Variants in NECAB2 observed in about 807,000 individuals in gnomAD.
NECAB2 encodes the protein N-terminal EF-hand calcium-binding protein 2.
A neutral mutation model predicts 51.9 loss-of-function variants in NECAB2; 68 were observed. The ratio of observed to expected loss-of-function variants is 1.31; its 90% CI spans 1.08 to 1.60. The LOEUF is 1.60. Among genes scored for constraint, NECAB2 ranks in the 40% most tolerant of loss-of-function variants. NECAB2 has a pLI of 0.00. For synonymous variants in NECAB2, 329 were observed against 203.5 expected, an observed-to-expected ratio of 1.62 and a Z score of -5.25; for missense variants, 854 against 490.3, an observed-to-expected ratio of 1.74 and a Z score of -7.00.
At chr16:83,998,549 G>C (rs1219036334) in intron 10 of NECAB2, among the ~76,000 whole-genome samples, 1 of 152,110 alleles carries the variant, frequency 6.6e-6, no homozygotes, top group African/African-American at 2.4e-5. Context: ...TGTAAAGGGG[G>C]GACCACCCCC....
intron 3 of NECAB2, among the ~76,000 whole-genome samples, chr16:83,980,582 C>T (rs1240364911): frequency 6.6e-6 from 1 of 152,012 alleles, no homozygotes; most frequent in African/African-American, 2.4e-5. Flanking sequence ...CCCTTGGTGT[C>T]ATTTATTCAT....
rs1363199964 is a variant in NECAB2 at position 83,994,315 on chromosome 16, A to C, written c.610A>C (p.Lys204Gln). The C allele has an allele frequency of 7.4e-6, 12 of 1,614,082 alleles. No homozygotes were observed. The African/African-American group carries it at 1.3e-4, about 18-fold the overall frequency. ...QTSQLRQNHI[K>Q]PSHSAAQTWC... ...TCCAAACTGCAGACAGAACCACATCAAACCCAGCCACAGCGCGGCACAGAC... is the reference window on the plus strand; with the variant it reads ...TCCAAACTGCAGACAGAACCACATCCAACCCAGCCACAGCGCGGCACAGAC... Residue 204 changes from lysine (K) to glutamine (Q), a missense_variant, in exon 7 of 13, where the codon AAA becomes CAA. Physicochemically the swap from Lys to Gln is moderately conservative, Grantham distance 53. Coordinates refer to ENST00000305202, the MANE Select transcript of NECAB2 (RefSeq NM_019065.3).
At position 83,968,580 on chromosome 16, in the gene NECAB2, CG is replaced by C. The variant is rs937034643; in HGVS notation, c.-68del. 7 of 965,560 alleles carry C rather than the reference CG, an allele frequency of 7.2e-6. No individual in the cohort carries two copies. The South Asian group carries it at 1.4e-4, about 19-fold the overall frequency. 59.8% of individuals were successfully genotyped at this position (965,560 alleles called of 1,614,324 possible). On this transcript the variant is annotated 5_prime_UTR_variant, in exon 1 of 13. Coordinates refer to ENST00000305202, the MANE Select transcript of NECAB2 (RefSeq NM_019065.3). ...GGCGCGGGCAGCGCGGGGAGGGGGT[CG>C]CGCGGGGGCGGGCCGCAGCTGGGCG...
Position 83,997,751 on chromosome 16 carries a change from C to T in NECAB2, c.850-454C>T, listed in dbSNP as rs887607060. On this transcript the variant is annotated intron_variant, in intron 9 of 12. Coordinates refer to ENST00000305202, the MANE Select transcript of NECAB2 (RefSeq NM_019065.3). ...CTCATGATCTGCCCACCTTGGCCTC[C>T]TAAAGTGCTGAGATTACAGGCGTGA... 6.6e-5 allele frequency among the ~76,000 whole-genome samples: 10 copies of T among 152,236 alleles called. 1 individual carries two copies. In the South Asian group the frequency reaches 1.2e-3, roughly 19 times the overall value.
rs140162249 is a variant in NECAB2, at chr16:83,971,660, G to A, written c.202-491G>A. ...CCCCAAAATTAACGCAGTCCTGCCC[G>A]TGGCTGGCATTGTCACCAGGCCTTG... On this transcript the variant is annotated intron_variant, in intron 1 of 12. Coordinates refer to ENST00000305202, the MANE Select transcript of NECAB2 (RefSeq NM_019065.3). The A allele has an allele frequency of 4.7e-3, 792 of 168,442 alleles. 7 individuals are homozygous for A. Among genetic ancestry groups the A allele is most frequent in the African/African-American group, 0.018 (749 of 41,894 alleles). The allele number at this position is 168,442 out of a possible 1,614,324, so 10.4% of individuals were successfully genotyped here. A position where few individuals can be genotyped will look rare whatever the true frequency, so the allele number is the denominator to read the frequency against.
At chr16:83,973,601 A>G (rs912062125) in intron 2 of NECAB2, among the ~76,000 whole-genome samples, 2 of 152,142 alleles carry the variant, frequency 1.3e-5, no homozygotes, top group African/African-American at 4.8e-5. Context: ...AGGGGAAATC[A>G]GGGGGCTGTC....
At chr16:84,001,487 C>T (rs1297442073) in intron 11 of NECAB2, among the ~76,000 whole-genome samples, 2 of 152,146 alleles carry the variant, frequency 1.3e-5, no homozygotes, top group East Asian at 1.9e-4. Flanking sequence ...AAACGAGGGA[C>T]TAAAAGCCTT....
chr16:83,998,426 A>G (rs973489326), intron 10 of NECAB2, 109 bp downstream of exon 10: 26 of 982,550 alleles, frequency 2.6e-5, no homozygotes, highest in Non-Finnish European at 3.8e-5. Context: ...GTTGCACCCC[A>G]GGGACACACA....
chr16:83,974,210 C>G (rs918963894), intron 2 of NECAB2, among the ~76,000 whole-genome samples: 10 of 152,138 alleles, frequency 6.6e-5, no homozygotes, highest in Admixed American at 5.2e-4. Flanking sequence ...AAGAGCTTCC[C>G]AGGTCCCCCA....
intron 11 of NECAB2, among the ~76,000 whole-genome samples, chr16:84,001,201 G>A (rs1286554279): frequency 2.6e-5 from 4 of 151,922 alleles, no homozygotes; most frequent in Admixed American, 6.5e-5. Flanking sequence ...TGAGTGCCCG[G>A]TACGAGGGAC....
intron 5 of NECAB2, 142 bp from the exon 6 acceptor site, chr16:83,990,352 C>T: frequency 9.3e-7 from 1 of 1,074,862 alleles, no homozygotes. Context: ...TAAGACTGGA[C>T]CCCAGGAGGC....
intron 11 of NECAB2, among the ~76,000 whole-genome samples, chr16:84,001,297 A>G (rs2084828680): frequency 6.6e-6 from 1 of 151,534 alleles, no homozygotes; most frequent in African/African-American, 2.4e-5. Flanking sequence ...GGTGGAGACT[A>G]TTGCTGATGC....
Position 83,980,723 on chromosome 16 carries a change from G to C in NECAB2, c.336-116G>C, listed in dbSNP as rs540475060. On this transcript the variant is annotated intron_variant, in intron 3 of 12. Transcript: ENST00000305202. Reference sequence around the variant, plus strand: ...TCTTCTGTAAGGCGGAGCTTGTGGGGCCAGCACACAGGCTGCAAAGAGCAG... The same window carrying C: ...TCTTCTGTAAGGCGGAGCTTGTGGGCCCAGCACACAGGCTGCAAAGAGCAG... The C allele has an allele frequency of 7.3e-6, 10 of 1,373,762 alleles. No homozygotes were observed. The African/African-American group carries it at 1.2e-4, about 16-fold the overall frequency. The allele number at this position is 1,373,762 out of a possible 1,614,324, so 85.1% of individuals were successfully genotyped here. A position where few individuals can be genotyped will look rare whatever the true frequency, so the allele number is the denominator to read the frequency against.
intron 3 of NECAB2, 34 bp from the exon 4 acceptor site, chr16:83,980,803 GTC>G: frequency 6.4e-7 from 1 of 1,558,344 alleles, no homozygotes; most frequent in Non-Finnish European, 8.7e-7. Context: ...CCCCCTCTCT[GTC>G]TCTGTCTGTC....
At position 84,002,035 on chromosome 16, in the gene NECAB2, C is replaced by T. The variant is rs1212119458; in HGVS notation, c.1132+119C>T. On this transcript the variant is annotated intron_variant, in intron 12 of 12. Coordinates refer to ENST00000305202, the MANE Select transcript of NECAB2 (RefSeq NM_019065.3). Reference sequence around the variant, plus strand: ...GCTTGCTGTGGGCCCACTGTCAGCTCCTGCCACCAATGCCAGGCTCAGAGC... The same window carrying T: ...GCTTGCTGTGGGCCCACTGTCAGCTTCTGCCACCAATGCCAGGCTCAGAGC... 4 of 1,209,892 alleles carry T rather than the reference C, an allele frequency of 3.3e-6. No homozygotes were observed. The African/African-American group carries it at 4.6e-5, about 14-fold the overall frequency. The allele number at this position is 1,209,892 out of a possible 1,614,324, so 74.9% of individuals were successfully genotyped here.
At chr16:83,994,755 G>T in intron 8 of NECAB2, 67 bp downstream of exon 8, 1 of 1,565,696 alleles carries the variant, frequency 6.4e-7, no homozygotes, top group Admixed American at 1.7e-5. Flanking sequence ...GTTAAGCCTG[G>T]AGTTCAGGAC....
intron 5 of NECAB2, 133 bp downstream of exon 5, chr16:83,981,260 C>A: frequency 1.4e-6 from 1 of 737,962 alleles, no homozygotes; most frequent in Non-Finnish European, 2.3e-6. Flanking sequence ...TTTGCCTGGG[C>A]CTCTTTGAAG....
In NECAB2 at chr16:84,000,818, C is replaced by A. The variant is rs200433748; in HGVS notation, c.1040+17C>A. On this transcript the variant is annotated intron_variant, in intron 11 of 12. Transcript: ENST00000305202. ...GTGGAAGAGGTGAGATGCTGGGTCC[C>A]CACAGCAGGTGAGGGAGACAGAGGG... The A allele has an allele frequency of 6.2e-7, 1 of 1,610,768 alleles. No individual in the cohort carries two copies. The highest frequency in any genetic ancestry group is 8.5e-7 in the Non-Finnish European group (1 of 1,177,624).
At chr16:83,977,657 C>T (rs555362705) in intron 2 of NECAB2, among the ~76,000 whole-genome samples, 1 of 152,220 alleles carries the variant, frequency 6.6e-6, no homozygotes, top group South Asian at 2.1e-4. Context: ...AGCGTTGGCA[C>T]CTCCAGGCCT....
Sources: allele counts gnomAD v4.1 joint callset (sites outside exome capture counted in the v4.1 genomes callset), GRCh38; gene constraint gnomAD v4.1.1; transcripts MANE v1.5; gene names NCBI Gene and HGNC (gene_info 2026-07-23, HGNC 2026-07-21).